Variants in ARFGEF3 observed in about 807,000 individuals in gnomAD.
ARFGEF3 encodes brefeldin A-inhibited guanine nucleotide-exchange protein 3.
Under a neutral mutation model 221.7 loss-of-function variants are expected in ARFGEF3, and 96 were observed. The ratio of observed to expected loss-of-function variants is 0.43; its 90% confidence interval spans 0.37 to 0.51. The LOEUF (loss-of-function observed/expected upper bound fraction) is 0.51, where lower values mean the gene tolerates loss of function less well. ARFGEF3 is among the 20% of genes least tolerant of loss of function. The pLI is 0.00. For synonymous variants in ARFGEF3, 1,145 were observed against 1,126.8 expected, an observed-to-expected ratio of 1.02 and a Z score of -0.32; for missense variants, 2,410 against 2,789.9, an observed-to-expected ratio of 0.86 and a Z score of 3.07.
At chr6:138,300,865 A>G (rs957205852) in intron 22 of ARFGEF3, among the ~76,000 whole-genome samples, 6 of 152,360 alleles carry the variant, frequency 3.9e-5, no homozygotes, top group Non-Finnish European at 7.3e-5. Flanking sequence ...AATCCCTGAC[A>G]TGAGATTAAG....
At chr6:138,335,211 G>T (rs371038065) in intron 33 of ARFGEF3, 23 bp downstream of exon 33, 25 of 1,504,192 alleles carry the variant, frequency 1.7e-5, no homozygotes, top group Non-Finnish European at 2.1e-5. Context: ...GGCCACAGCA[G>T]GTGGGCGGGA....
In ARFGEF3 at chr6:138,336,300, G is replaced by GACCAAC; in HGVS notation, c.6350_6355dup (p.Thr2117_Asn2118dup). The stretch of plus-strand genomic sequence containing the variant: ...TCTTAAATCTTTTCTCTTAGGCATG[G>GACCAAC]ACCAACATGGTGCTAACAGTTCTCA... On this transcript the variant is annotated inframe_insertion, in exon 34 of 34. Transcript: ENST00000251691. 2 of 1,556,188 alleles carry GACCAAC rather than the reference G, an allele frequency of 1.3e-6. No homozygotes were observed. Among genetic ancestry groups the GACCAAC allele is most frequent in the Non-Finnish European group, 1.7e-6 (2 of 1,149,120 alleles).
intron 6 of ARFGEF3, among the ~76,000 whole-genome samples, chr6:138,240,494 G>T (rs1429090955): frequency 6.6e-6 from 1 of 152,076 alleles, no homozygotes; most frequent in Non-Finnish European, 1.5e-5. Context: ...CATAAGAATG[G>T]CAAAGGTATG....
chr6:138,323,381 G>A (rs1272327434), intron 29 of ARFGEF3, among the ~76,000 whole-genome samples: 1 of 152,172 alleles, frequency 6.6e-6, no homozygotes, highest in African/African-American at 2.4e-5. Flanking sequence ...GGAGGCCGAG[G>A]TGGGTAGATC....
intron 1 of ARFGEF3, among the ~76,000 whole-genome samples, chr6:138,168,086 T>C (rs762665864): frequency 1.3e-5 from 2 of 152,180 alleles, no homozygotes; most frequent in Non-Finnish European, 2.9e-5. Flanking sequence ...ATTTAGTGAG[T>C]ACCTACTATG....
chr6:138,232,621 C>T (rs575366915), intron 5 of ARFGEF3, among the ~76,000 whole-genome samples: 1 of 152,278 alleles, frequency 6.6e-6, no homozygotes, highest in African/African-American at 2.4e-5. Flanking sequence ...AAATCTGTCT[C>T]AAAGGCCATT....
At chr6:138,329,982 G>A (rs1292728196) in intron 32 of ARFGEF3, among the ~76,000 whole-genome samples, 1 of 152,046 alleles carries the variant, frequency 6.6e-6, no homozygotes. Context: ...AAAAAGGGGG[G>A]TTGTTCTCTG....
At chr6:138,265,096 G>A (rs1013162331) in intron 12 of ARFGEF3, among the ~76,000 whole-genome samples, 160 of 151,958 alleles carry the variant, frequency 1.1e-3, no homozygotes, top group Non-Finnish European at 1.6e-3. Flanking sequence ...GTAGAGACAG[G>A]GTTTCGCTGT....
chr6:138,330,456 C>T (rs1343374549), intron 32 of ARFGEF3, among the ~76,000 whole-genome samples: 3 of 145,774 alleles, frequency 2.1e-5, no homozygotes, highest in Non-Finnish European at 3.0e-5. Context: ...TATTTGTTAA[C>T]GGCAGCCCAA....
chr6:138,324,018 C>G lies in ARFGEF3; in HGVS notation c.4870-5C>G, dbSNP rs368118657. The G allele has an allele frequency of 9.3e-6, 15 of 1,612,562 alleles. No individual in the cohort carries two copies. The South Asian group carries it at 1.2e-4, about 13-fold the overall frequency. Reference sequence around the variant, plus strand: ...ATTCAGTGAGCATCTGCTGTTTCTCCCCAGGACCTGCTGGGCTGCTTCCAC... The same window carrying G: ...ATTCAGTGAGCATCTGCTGTTTCTCGCCAGGACCTGCTGGGCTGCTTCCAC... On this transcript the variant is annotated splice_region_variant and splice_polypyrimidine_tract_variant and intron_variant, in intron 30 of 33. Transcript: ENST00000251691.
chr6:138,283,288 G>A (rs978735231), intron 14 of ARFGEF3, among the ~76,000 whole-genome samples: 10 of 152,102 alleles, frequency 6.6e-5, no homozygotes, highest in East Asian at 1.9e-4. Flanking sequence ...TCTCTTGCCC[G>A]GACCTTAATA....
At position 138,163,682 on chromosome 6, in the gene ARFGEF3, C is replaced by A. The variant is rs150159144; in HGVS notation, c.85+1511C>A. Among the ~76,000 whole-genome samples, 8 of 152,182 alleles carry A rather than the reference C, an allele frequency of 5.3e-5. No homozygotes were observed. The East Asian group carries it at 1.5e-3, about 29-fold the overall frequency. On this transcript the variant is annotated intron_variant, in intron 1 of 33. Coordinates refer to ENST00000251691, the MANE Select transcript of ARFGEF3 (RefSeq NM_020340.5). The stretch of plus-strand genomic sequence containing the variant: ...AACCACAACGTTGCTGAGTTTAGGT[C>A]CTTTAAAGCCACTGGGGAGGCTGAG...
chr6:138,197,795 C>T (rs1777458158), intron 2 of ARFGEF3, among the ~76,000 whole-genome samples: 2 of 152,284 alleles, frequency 1.3e-5, no homozygotes, highest in South Asian at 4.1e-4. Flanking sequence ...AATGATGGCA[C>T]TTCCGTGACT....
chr6:138,323,681 G>C lies in ARFGEF3; in HGVS notation c.4777G>C (p.Val1593Leu). ...TGTTTCTTTTGGCAGATACGTCCTT[G>C]TGACAGCGGGCCCTGTGTTCACTGA... is the stretch of plus-strand genomic sequence containing the variant. Reference protein sequence around the residue: ...VGCSCIRYVLVTAGPVFTEEM... With the variant: ...VGCSCIRYVLLTAGPVFTEEM... Residue 1593 changes from valine (V) to leucine (L), a missense_variant, in exon 30 of 34, where the codon GTG (valine) becomes CTG (leucine). Around this residue, in one of 5 missense-constraint regions of ARFGEF3, gnomAD observed 723 missense variants for 991.9 expected, o/e 0.73. Transcript: ENST00000251691. The C allele has an allele frequency of 1.2e-6, 2 of 1,613,768 alleles. No individual in the cohort carries two copies. The highest frequency in any genetic ancestry group is 1.7e-6 in the Non-Finnish European group (2 of 1,179,752).
chr6:138,317,830 C>A (rs1227861727), intron 27 of ARFGEF3, among the ~76,000 whole-genome samples: 2 of 152,118 alleles, frequency 1.3e-5, no homozygotes, highest in Non-Finnish European at 2.9e-5. Context: ...AAGGCAGCAA[C>A]ACCCCGTTTG....
intron 4 of ARFGEF3, among the ~76,000 whole-genome samples, chr6:138,215,198 T>C (rs888529389): frequency 5.3e-5 from 8 of 152,132 alleles, no homozygotes; most frequent in Non-Finnish European, 1.0e-4. Context: ...ATGGATAACC[T>C]TTAGTGAGGT....
rs1472211110 is a variant in ARFGEF3, at chr6:138,238,495, T to G, written c.421-14T>G. ...CCTGCAGACATGTGTGTTGCTGTCT[T>G]ATTTCTTTAACAGGTGTGCATTGAG... On this transcript the variant is annotated splice_polypyrimidine_tract_variant and intron_variant, in intron 5 of 33. Coordinates refer to ENST00000251691, the MANE Select transcript of ARFGEF3 (RefSeq NM_020340.5). 6.2e-7 allele frequency: 1 copy of G among 1,611,462 alleles called. No homozygotes were observed. The highest frequency in any genetic ancestry group is 8.5e-7 in the Non-Finnish European group (1 of 1,177,972).
chr6:138,273,862 G>A (rs1206740181), intron 12 of ARFGEF3, among the ~76,000 whole-genome samples: 1 of 152,164 alleles, frequency 6.6e-6, no homozygotes, highest in Non-Finnish European at 1.5e-5. Context: ...GACATAGCAA[G>A]AAAATGGCTG....
intron 30 of ARFGEF3, 72 bp from the exon 31 acceptor site, chr6:138,323,951 A>G (rs1780081712): frequency 6.3e-7 from 1 of 1,583,008 alleles, no homozygotes; most frequent in East Asian, 2.2e-5. Flanking sequence ...CACAGTGACG[A>G]TCTCAGATCC....
Sources: allele counts gnomAD v4.1 joint callset (sites outside exome capture counted in the v4.1 genomes callset), GRCh38; gene constraint gnomAD v4.1.1; regional missense constraint gnomAD v4.1.1; transcripts MANE v1.5; gene names NCBI Gene and HGNC (gene_info 2026-07-23, HGNC 2026-07-21).